Variants in ELOC observed in about 807,000 individuals in gnomAD.
ELOC encodes elongin-C.
For synonymous variants in ELOC, 40 were observed against 51.3 expected, an observed-to-expected ratio of 0.78 and a Z score of 0.94; for missense variants, 38 against 139.0, an observed-to-expected ratio of 0.27 and a Z score of 3.65.
At chr8:73,954,099 C>T (rs573025895) in intron 3 of ELOC, among the ~76,000 whole-genome samples, 1 of 152,112 alleles carries the variant, frequency 6.6e-6, no homozygotes, top group Admixed American at 6.6e-5. Context: ...AGGCCATATA[C>T]TGTATGATTC....
intron 1 of ELOC, among the ~76,000 whole-genome samples, chr8:73,961,041 A>T (rs1020722114): frequency 2.6e-5 from 4 of 152,210 alleles, no homozygotes; most frequent in African/African-American, 7.2e-5. Flanking sequence ...TCTCTTCCAT[A>T]TACAGGCTAA....
intron 3 of ELOC, among the ~76,000 whole-genome samples, chr8:73,947,473 G>T (rs1191016740): frequency 1.3e-5 from 2 of 152,034 alleles, no homozygotes; most frequent in African/African-American, 4.8e-5. Flanking sequence ...ATCTAGGGGT[G>T]GTACTTTGTT....
chr8:73,947,669 G>A (rs980527897), intron 3 of ELOC, among the ~76,000 whole-genome samples: 4 of 151,690 alleles, frequency 2.6e-5, no homozygotes, highest in Non-Finnish European at 5.9e-5. Context: ...TGCCTCCTGG[G>A]CTCAAGTGAT....
intron 1 of ELOC, among the ~76,000 whole-genome samples, chr8:73,968,510 A>G (rs1430551192): frequency 6.6e-6 from 1 of 152,244 alleles, no homozygotes; most frequent in Non-Finnish European, 1.5e-5. Flanking sequence ...TATAATGTGT[A>G]TTAATCATAG....
At chr8:73,967,281 C>G (rs891310820) in intron 1 of ELOC, among the ~76,000 whole-genome samples, 10 of 152,156 alleles carry the variant, frequency 6.6e-5, no homozygotes, top group African/African-American at 2.4e-4. Flanking sequence ...GGGGTTGACA[C>G]ACTAAAGGGC....
At chr8:73,959,855 G>A (rs557191538) in intron 1 of ELOC, 37 bp from the exon 2 acceptor site, 8 of 1,154,778 alleles carry the variant, frequency 6.9e-6, no homozygotes, top group African/African-American at 3.2e-5. Context: ...GATTAATGTT[G>A]CAAGAGACAA....
intron 3 of ELOC, among the ~76,000 whole-genome samples, chr8:73,952,301 G>T (rs1360464128): frequency 1.3e-5 from 2 of 152,020 alleles, no homozygotes; most frequent in Admixed American, 6.6e-5. Context: ...CTATTCAGGA[G>T]GCTGAGACAG....
At chr8:73,956,254 G>A (rs942276979) in intron 2 of ELOC, among the ~76,000 whole-genome samples, 200 bp from the exon 3 acceptor site, 6 of 151,888 alleles carry the variant, frequency 4.0e-5, no homozygotes, top group East Asian at 3.9e-4. Flanking sequence ...GTGTGGTGGC[G>A]CACACATGTA....
intron 1 of ELOC, among the ~76,000 whole-genome samples, chr8:73,963,326 T>C (rs1176081176): frequency 6.6e-6 from 1 of 152,200 alleles, no homozygotes; most frequent in Non-Finnish European, 1.5e-5. Flanking sequence ...TATTGCTACA[T>C]GAAATTCTAG....
At chr8:73,946,921 T>C in intron 3 of ELOC, 101 bp from the exon 4 acceptor site, 1 of 938,618 alleles carries the variant, frequency 1.1e-6, no homozygotes, top group Non-Finnish European at 1.6e-6. Flanking sequence ...TGGCTGTATT[T>C]AGAGATAAGT....
In ELOC at chr8:73,968,987, G is replaced by T. The variant is rs191303281; in HGVS notation, c.-51+3090C>A. The stretch of plus-strand genomic sequence containing the variant: ...TTACTGTATGCTCCTCTTCTAACTG[G>T]AGTGCTCCCAGTCATCTGCCTTCTT... On this transcript the variant is annotated intron_variant, in intron 1 of 3. Coordinates refer to ENST00000520242, the MANE Select transcript of ELOC (RefSeq NM_005648.4). Among the ~76,000 whole-genome samples, 3 of 152,184 alleles carry T rather than the reference G, an allele frequency of 2.0e-5. No homozygotes were observed. The East Asian group carries it at 5.8e-4, about 29-fold the overall frequency.
At position 73,967,248 on chromosome 8, in the gene ELOC, C is replaced by G. The variant is rs551389514; in HGVS notation, c.-51+4829G>C. On this transcript the variant is annotated intron_variant, in intron 1 of 3. Transcript: ENST00000520242. ...CAACAACCTCTCCTCCACCCGTATC[C>G]TGGAATTTACATTTTTAGTGTGGGG... Among the ~76,000 whole-genome samples the G allele has an allele frequency of 1.4e-4, 21 of 152,126 alleles. 1 individual carries two copies. In the South Asian group the frequency reaches 4.4e-3, roughly 32 times the overall value.
chr8:73,954,627 G>C (rs888338366), intron 3 of ELOC, among the ~76,000 whole-genome samples: 2 of 150,398 alleles, frequency 1.3e-5, no homozygotes, highest in African/African-American at 2.4e-5. Flanking sequence ...ACTCCAGCCT[G>C]GGCGGCAGAG....
intron 3 of ELOC, among the ~76,000 whole-genome samples, chr8:73,950,174 ATAAC>A (rs1355673906): frequency 2.0e-5 from 3 of 152,242 alleles, no homozygotes; most frequent in Non-Finnish European, 4.4e-5. Flanking sequence ...AGAAAGTAGT[ATAAC>A]TATTCAAGAC....
At chr8:73,955,243 C>A (rs557609069) in intron 3 of ELOC, among the ~76,000 whole-genome samples, 21 of 152,036 alleles carry the variant, frequency 1.4e-4, no homozygotes, top group Admixed American at 3.3e-4. Flanking sequence ...CTGAGGCAGG[C>A]GGATCACCTG....
At chr8:73,952,765 G>A (rs1313533971) in intron 3 of ELOC, among the ~76,000 whole-genome samples, 2 of 131,094 alleles carry the variant, frequency 1.5e-5, no homozygotes, top group African/African-American at 5.5e-5. Flanking sequence ...TGGGCAACAG[G>A]TGTCTCGAAA....
At chr8:73,966,282 G>A (rs1207950762) in intron 1 of ELOC, among the ~76,000 whole-genome samples, 1 of 152,142 alleles carries the variant, frequency 6.6e-6, no homozygotes, top group Non-Finnish European at 1.5e-5. Flanking sequence ...TCTGAAGAAA[G>A]CAAGGGAATG....
At chr8:73,953,772 A>T (rs969253713) in intron 3 of ELOC, among the ~76,000 whole-genome samples, 2 of 152,222 alleles carry the variant, frequency 1.3e-5, no homozygotes, top group Non-Finnish European at 2.9e-5. Flanking sequence ...AGCCACCGTG[A>T]AACAGTTCTG....
chr8:73,953,848 C>T (rs759115348), intron 3 of ELOC, among the ~76,000 whole-genome samples: 9 of 151,870 alleles, frequency 5.9e-5, no homozygotes, highest in Non-Finnish European at 1.0e-4. Flanking sequence ...AGAAGACACC[C>T]AAAAGAACTC....
Sources: gnomAD v4.1 joint callset for allele counts (sites outside exome capture counted in the v4.1 genomes callset) on GRCh38, gnomAD v4.1.1 for gene constraint, MANE v1.5 for transcripts, NCBI Gene and HGNC (gene_info 2026-07-23, HGNC 2026-07-21) for gene names.